The following SPAG16 variants were observed in gnomAD, a reference collection of about 807,000 sequenced individuals.
SPAG16 encodes sperm associated antigen 16, also known as sperm-associated antigen 16 protein.
SPAG16 carries 86 observed loss-of-function variants against 80.4 expected under a neutral mutation model. The ratio of observed to expected loss-of-function variants is 1.07; its 90% CI spans 0.90 to 1.28. The LOEUF is 1.28. Ranked by LOEUF, SPAG16 falls within the 50% of genes most tolerant of loss-of-function variation. SPAG16 has a pLI of 0.00. For synonymous variants in SPAG16, 294 were observed against 265.9 expected (o/e 1.11, Z -1.03); for missense variants, 870 against 765.3 (o/e 1.14, Z -1.61).
intron 13 of SPAG16, among the ~76,000 whole-genome samples, chr2:214,044,625 A>G (rs1559729117): frequency 6.6e-6 from 1 of 152,220 alleles, no homozygotes; most frequent in Non-Finnish European, 1.5e-5. Context: ...TGAAAGAGGC[A>G]CTGAAAAGGA....
chr2:213,883,967 A>G (rs1164151298), intron 11 of SPAG16, among the ~76,000 whole-genome samples: 1 of 151,668 alleles, frequency 6.6e-6, no homozygotes, highest in Non-Finnish European at 1.5e-5. Flanking sequence ...CCAGCCCACC[A>G]CTCTCTGCCT....
intron 15 of SPAG16, among the ~76,000 whole-genome samples, chr2:214,271,942 GA>G (rs1692059564): frequency 6.6e-6 from 1 of 151,688 alleles, no homozygotes. Context: ...GTTAAGCTTT[GA>G]AGAGTTTTAA....
chr2:214,132,224 C>G (rs2054818145), intron 14 of SPAG16, among the ~76,000 whole-genome samples: 1 of 152,168 alleles, frequency 6.6e-6, no homozygotes, highest in Admixed American at 6.5e-5. Context: ...ATGATTCATT[C>G]ATTCATTTGT....
rs148128963 is a variant in SPAG16 at position 213,747,595 on chromosome 2, C to T, written c.1071-114890C>T. 3.1e-4 allele frequency among the ~76,000 whole-genome samples: 47 copies of T among 152,238 alleles called. No homozygotes were observed. In the East Asian group the frequency reaches 7.9e-3, roughly 26 times the overall value. On this transcript the variant is annotated intron_variant, in intron 10 of 15. Coordinates refer to ENST00000331683, the MANE Select transcript of SPAG16 (RefSeq NM_024532.5). ...TGTGTTCAGATACACAAATAGTTAC[C>T]ATTATGTTACTATCGCTACAATATT...
intron 10 of SPAG16, among the ~76,000 whole-genome samples, chr2:213,843,932 GTAATA>G (rs2074486126): frequency 6.8e-6 from 1 of 147,930 alleles, no homozygotes; most frequent in South Asian, 2.2e-4. Context: ...TGTCATTATA[GTAATA>G]TAATATAAAA....
chr2:213,295,604 A>G (rs141856937), intron 1 of SPAG16, among the ~76,000 whole-genome samples: 3 of 152,254 alleles, frequency 2.0e-5, no homozygotes, highest in African/African-American at 4.8e-5. Flanking sequence ...TTCATTCACA[A>G]TACTTTAAAC....
chr2:214,055,555 T>C (rs1415769567), intron 13 of SPAG16, among the ~76,000 whole-genome samples: 1 of 152,184 alleles, frequency 6.6e-6, no homozygotes, highest in African/African-American at 2.4e-5. Flanking sequence ...TTTTAATCTA[T>C]GCTGTTACAG....
At position 213,799,012 on chromosome 2, in the gene SPAG16, C is replaced by T. The variant is rs2071212798; in HGVS notation, c.1071-63473C>T. ...GTTTTGAAATGGGGAAATGTAATTC[C>T]TCCAAATTTGTTATTTTTTAAGGTT... On this transcript the variant is annotated intron_variant, in intron 10 of 15. Coordinates refer to ENST00000331683, the MANE Select transcript of SPAG16 (RefSeq NM_024532.5). Among the ~76,000 whole-genome samples, 5 of 152,206 alleles carry T rather than the reference C, an allele frequency of 3.3e-5. No individual in the cohort carries two copies. The South Asian group carries it at 1.0e-3, about 32-fold the overall frequency.
intron 13 of SPAG16, among the ~76,000 whole-genome samples, chr2:214,017,347 A>C (rs186833758): frequency 1.3e-5 from 2 of 152,324 alleles, no homozygotes; most frequent in African/African-American, 2.4e-5. Context: ...CTAAAAACTT[A>C]GATGTGAAGT....
In SPAG16 at chr2:213,860,359, ATATATG is replaced by A. The variant is rs1176447897; in HGVS notation, c.1071-2124_1071-2119del. On this transcript the variant is annotated intron_variant, in intron 10 of 15. Transcript: ENST00000331683. ...CATTTACAGATATATATATATATAT[ATATATG>A]TGTGTGTGTGTATATCTATAAATAG... 1.4e-3 allele frequency among the ~76,000 whole-genome samples: 93 copies of A among 65,492 alleles called. 1 individual carries two copies. Among genetic ancestry groups the A allele is most frequent in the Middle Eastern group, 7.0e-3 (1 of 142 alleles). The allele number at this position is 65,492 out of a possible 152,430, so 43.0% of individuals were successfully genotyped here.
At position 213,774,170 on chromosome 2, in the gene SPAG16, C is replaced by T. The variant is rs551072765; in HGVS notation, c.1071-88315C>T. Reference sequence around the variant, plus strand: ...TTTATCTTGACTATTTTTCTTTTGCCTATTGGTTATGTGTCAGTTTCTTAG... The same window carrying T: ...TTTATCTTGACTATTTTTCTTTTGCTTATTGGTTATGTGTCAGTTTCTTAG... On this transcript the variant is annotated intron_variant, in intron 10 of 15. Coordinates refer to ENST00000331683, the MANE Select transcript of SPAG16 (RefSeq NM_024532.5). Among the ~76,000 whole-genome samples the T allele has an allele frequency of 2.3e-4, 35 of 151,980 alleles. 1 individual carries two copies. Among genetic ancestry groups the T allele is most frequent in the Non-Finnish European group, 4.6e-4 (31 of 67,996 alleles).
At chr2:213,937,484 C>T (rs1358384083) in intron 12 of SPAG16, among the ~76,000 whole-genome samples, 1 of 151,912 alleles carries the variant, frequency 6.6e-6, no homozygotes, top group Non-Finnish European at 1.5e-5. Flanking sequence ...TCTCCTGTTA[C>T]ACCAGGATAA....
chr2:213,984,373 A>C (rs778909517), intron 12 of SPAG16, among the ~76,000 whole-genome samples: 1 of 152,110 alleles, frequency 6.6e-6, no homozygotes, highest in African/African-American at 2.4e-5. Context: ...AATATATACA[A>C]TATACAAAAT....
At position 213,954,139 on chromosome 2, in the gene SPAG16, AT is replaced by A. The variant is rs367719207; in HGVS notation, c.1400+24010del. Among the ~76,000 whole-genome samples, 244 of 141,410 alleles carry A rather than the reference AT, an allele frequency of 1.7e-3. 1 individual carries two copies. The highest frequency in any genetic ancestry group is 0.015 in the Middle Eastern group (4 of 272). 92.8% of individuals were successfully genotyped at this position (141,410 alleles called of 152,430 possible). On this transcript the variant is annotated intron_variant, in intron 12 of 15. Transcript: ENST00000331683. ...TCCACTCTCATAAAGAGTCACTCCT[AT>A]TTTTTTTTTTTTTTTGAGACAGAGT...
At chr2:213,397,491 C>T (rs947602987) in intron 9 of SPAG16, among the ~76,000 whole-genome samples, 1 of 150,966 alleles carries the variant, frequency 6.6e-6, no homozygotes, top group Non-Finnish European at 1.5e-5. Flanking sequence ...CCTCTTCTCA[C>T]CTCATCTTTT....
At chr2:214,055,014 T>C (rs2049862676) in intron 13 of SPAG16, among the ~76,000 whole-genome samples, 1 of 152,194 alleles carries the variant, frequency 6.6e-6, no homozygotes, top group African/African-American at 2.4e-5. Flanking sequence ...AAAAGTGATA[T>C]TCACAGCAGG....
intron 10 of SPAG16, among the ~76,000 whole-genome samples, chr2:213,563,179 T>G (rs1040738013): frequency 1.3e-4 from 20 of 152,234 alleles, no homozygotes; most frequent in Non-Finnish European, 7.3e-5. Flanking sequence ...ACATTAATTT[T>G]GGTTTTATAT....
At chr2:214,169,548 C>T (rs964677910) in intron 15 of SPAG16, among the ~76,000 whole-genome samples, 5 of 152,144 alleles carry the variant, frequency 3.3e-5, no homozygotes, top group South Asian at 2.1e-4. Flanking sequence ...TTGATATTCT[C>T]TCCAATATTT....
At chr2:213,412,495 C>T (rs950786481) in intron 9 of SPAG16, among the ~76,000 whole-genome samples, 2 of 152,166 alleles carry the variant, frequency 1.3e-5, no homozygotes, top group South Asian at 2.1e-4. Flanking sequence ...AAGAGCACCT[C>T]GTTTAACTTT....
Sources: gnomAD v4.1 joint callset for allele counts (sites outside exome capture counted in the v4.1 genomes callset) on GRCh38, gnomAD v4.1.1 for gene constraint, MANE v1.5 for transcripts, NCBI Gene and HGNC (gene_info 2026-07-23, HGNC 2026-07-21) for gene names.